The following KCNIP4 variants were observed in gnomAD, a reference collection of about 807,000 sequenced individuals.
KCNIP4 encodes the protein potassium voltage-gated channel interacting protein 4, also known as Kv channel-interacting protein 4.
In KCNIP4, 12 loss-of-function variants were observed where a neutral mutation model predicts 34.0. The observed-to-expected ratio is 0.35, with a 90% confidence interval of 0.23 to 0.57. The LOEUF is 0.57. KCNIP4 is among the 20% of genes least tolerant of loss of function. The pLI is 0.83. For missense variants in KCNIP4, 238 were observed against 311.7 expected (o/e 0.76, Z 1.78); for synonymous variants, 124 against 102.2 (o/e 1.21, Z -1.29).
intron 1 of KCNIP4, among the ~76,000 whole-genome samples, chr4:21,506,818 G>A (rs1301996098): frequency 6.6e-6 from 1 of 151,868 alleles, no homozygotes; most frequent in Non-Finnish European, 1.5e-5. Context: ...TTGAGACAGA[G>A]TCTCTCTCTG....
At chr4:20,773,754 T>A (rs914557667) in intron 3 of KCNIP4, among the ~76,000 whole-genome samples, 3 of 152,206 alleles carry the variant, frequency 2.0e-5, no homozygotes, top group African/African-American at 7.2e-5. Flanking sequence ...CTACATTAGA[T>A]AATTTAAAAA....
At chr4:21,316,162 G>A (rs115816518) in intron 1 of KCNIP4, 1 of 152,114 alleles carries the variant, frequency 6.6e-6, no homozygotes, top group Non-Finnish European at 1.5e-5. Context: ...TTTCTGCTTT[G>A]TAACTATATT....
rs571002477 is a variant in KCNIP4, at chr4:21,914,786, C to T, written c.61+33785G>A. Among the ~76,000 whole-genome samples, 5 of 152,102 alleles carry T rather than the reference C, an allele frequency of 3.3e-5. No homozygotes were observed. The South Asian group carries it at 6.2e-4, about 19-fold the overall frequency. On this transcript the variant is annotated intron_variant, in intron 1 of 8. Coordinates refer to ENST00000382152, the MANE Select transcript of KCNIP4 (RefSeq NM_025221.6). Reference sequence around the variant, plus strand: ...TATGGGGAGAGTCACCGCTGAGCTCCCCAAGAGCAGTGGCATCACCTTCAA... The same window carrying T: ...TATGGGGAGAGTCACCGCTGAGCTCTCCAAGAGCAGTGGCATCACCTTCAA...
intron 1 of KCNIP4, among the ~76,000 whole-genome samples, chr4:21,442,620 C>A (rs1311895804): frequency 6.6e-6 from 1 of 152,176 alleles, no homozygotes; most frequent in Non-Finnish European, 1.5e-5. Context: ...TTCTAGCACA[C>A]AATTTCCTAA....
chr4:21,937,590 A>G (rs947729192), intron 1 of KCNIP4, among the ~76,000 whole-genome samples: 3 of 152,108 alleles, frequency 2.0e-5, no homozygotes, highest in African/African-American at 7.2e-5. Flanking sequence ...CCTATTGGGC[A>G]TCTTCTCCAC....
At chr4:20,980,353 T>C (rs1344850231) in intron 1 of KCNIP4, among the ~76,000 whole-genome samples, 1 of 152,236 alleles carries the variant, frequency 6.6e-6, no homozygotes, top group Non-Finnish European at 1.5e-5. Flanking sequence ...GAGTGTTCTT[T>C]CTCCTTCCGC....
rs1271188585 is a variant in KCNIP4 at position 21,789,114 on chromosome 4, GAT to G, written c.61+159455_61+159456del. ...AAAGTCTAGCTGAGGTTCAAGGGAG[GAT>G]ATGTGTTTTGCCTCAAGCCACACAG... is the stretch of plus-strand genomic sequence containing the variant. On this transcript the variant is annotated intron_variant, in intron 1 of 8. Coordinates refer to ENST00000382152, the MANE Select transcript of KCNIP4 (RefSeq NM_025221.6). Among the ~76,000 whole-genome samples, 38 of 150,774 alleles carry G rather than the reference GAT, an allele frequency of 2.5e-4. 1 individual carries two copies. The highest frequency in any genetic ancestry group is 7.4e-5 in the Non-Finnish European group (5 of 67,790).
chr4:21,878,277 T>G (rs1469836007), intron 1 of KCNIP4, among the ~76,000 whole-genome samples: 4 of 152,182 alleles, frequency 2.6e-5, no homozygotes, highest in African/African-American at 9.7e-5. Flanking sequence ...AGTTTCACCA[T>G]GTTGGCCAGG....
intron 1 of KCNIP4, among the ~76,000 whole-genome samples, chr4:21,731,419 T>C (rs1052442758): frequency 6.6e-6 from 1 of 151,814 alleles, no homozygotes; most frequent in African/African-American, 2.4e-5. Context: ...GAGGAGGGGG[T>C]GAAAAGATCT....
At chr4:21,635,474 C>T (rs1056545675) in intron 1 of KCNIP4, among the ~76,000 whole-genome samples, 6 of 152,112 alleles carry the variant, frequency 3.9e-5, no homozygotes, top group South Asian at 2.1e-4. Context: ...AAAAAGTGGG[C>T]GAAGGACATG....
rs115578843 is a variant in KCNIP4 at position 21,662,463 on chromosome 4, G to A, written c.61+286108C>T. On this transcript the variant is annotated intron_variant, in intron 1 of 8. Coordinates refer to ENST00000382152, the MANE Select transcript of KCNIP4 (RefSeq NM_025221.6). ...ATAACATCTGCCTACAAAGTGATTT[G>A]CTAAACAGCATTGGAAATGCATATC... 2.6e-3 allele frequency among the ~76,000 whole-genome samples: 402 copies of A among 152,278 alleles called. 1 individual carries two copies. Among genetic ancestry groups the A allele is most frequent in the African/African-American group, 7.7e-3 (321 of 41,562 alleles).
chr4:21,849,712 T>C (rs983989424), intron 1 of KCNIP4: 29 of 152,122 alleles, frequency 1.9e-4, no homozygotes, highest in Non-Finnish European at 3.8e-4. Context: ...AAAGAAAGAA[T>C]ACTAGATGTG....
intron 1 of KCNIP4, among the ~76,000 whole-genome samples, chr4:21,055,353 C>G (rs1232419135): frequency 8.5e-5 from 13 of 152,090 alleles, no homozygotes; most frequent in Non-Finnish European, 1.5e-5. Context: ...TTTGGAAAAC[C>G]TTTTGGCAGT....
At chr4:21,377,557 G>A (rs557349903) in intron 1 of KCNIP4, among the ~76,000 whole-genome samples, 34 of 152,226 alleles carry the variant, frequency 2.2e-4, no homozygotes, top group African/African-American at 7.7e-4. Flanking sequence ...TTTTGTATAG[G>A]GGATCTGCTG....
At chr4:21,306,890 T>C (rs1712526860) in intron 1 of KCNIP4, among the ~76,000 whole-genome samples, 1 of 151,966 alleles carries the variant, frequency 6.6e-6, no homozygotes, top group East Asian at 1.9e-4. Flanking sequence ...GTGAGCGATC[T>C]CGGCTCACCG....
At chr4:21,128,352 T>A (rs1350774103) in intron 1 of KCNIP4, among the ~76,000 whole-genome samples, 3 of 152,202 alleles carry the variant, frequency 2.0e-5, no homozygotes, top group Non-Finnish European at 4.4e-5. Context: ...GAGTACTTGC[T>A]TATGAAGCAT....
intron 1 of KCNIP4, among the ~76,000 whole-genome samples, chr4:21,428,650 G>C (rs1726138050): frequency 6.6e-6 from 1 of 152,108 alleles, no homozygotes; most frequent in Non-Finnish European, 1.5e-5. Flanking sequence ...TTTCATTTAT[G>C]GTGGTATGCT....
intron 3 of KCNIP4, among the ~76,000 whole-genome samples, chr4:20,845,316 T>G (rs374064199): frequency 2.6e-5 from 4 of 152,100 alleles, no homozygotes; most frequent in African/African-American, 9.7e-5. Flanking sequence ...CCTGCGACAT[T>G]CTACCATTCT....
chr4:21,341,704 A>G (rs1304973492), intron 1 of KCNIP4, among the ~76,000 whole-genome samples: 1 of 152,016 alleles, frequency 6.6e-6, no homozygotes, highest in Non-Finnish European at 1.5e-5. Flanking sequence ...CTTCTTTCTT[A>G]CCATTTCTGA....
Sources: allele counts gnomAD v4.1 joint callset (sites outside exome capture counted in the v4.1 genomes callset), GRCh38; gene constraint gnomAD v4.1.1; transcripts MANE v1.5; gene names NCBI Gene and HGNC (gene_info 2026-07-23, HGNC 2026-07-21).